Variants in GPR65 observed in about 807,000 individuals in gnomAD.
GPR65 encodes T-cell death-associated gene 8 protein.
Under a neutral mutation model 0.7 loss-of-function variants are expected in GPR65, and 2 were observed. That is an observed-to-expected ratio of 2.83 (90% CI 1.16 to 8.92). GPR65 has a LOEUF of 8.92. Among genes scored for constraint, GPR65 ranks in the 30% most tolerant of loss-of-function variants. The pLI is 0.04. For synonymous variants in GPR65, 128 were observed against 146.5 expected (o/e 0.87, Z 0.91); for missense variants, 379 against 399.4 (o/e 0.95, Z 0.43).
At position 88,010,456 on chromosome 14, in the gene GPR65, A is replaced by T. The variant is rs901776759; in HGVS notation, c.-392A>T. ...CAAAGCCTTGTATATTCATGTTTGC[A>T]CCAATCTACTGTGAGATTTATGAAG... On this transcript the variant is annotated 5_prime_UTR_variant, in exon 2 of 2. Coordinates refer to ENST00000267549, the MANE Select transcript of GPR65 (RefSeq NM_003608.4). 9 of 171,504 alleles carry T rather than the reference A, an allele frequency of 5.2e-5. No homozygotes were observed. The highest frequency in any genetic ancestry group is 2.2e-4 in the African/African-American group (9 of 41,790). 10.6% of individuals were successfully genotyped at this position (171,504 alleles called of 1,614,324 possible). A position where few individuals can be genotyped will look rare whatever the true frequency, so the allele number is the denominator to read the frequency against.
At chr14:88,006,169 T>G (rs1887591249) in intron 1 of GPR65, among the ~76,000 whole-genome samples, 1 of 152,150 alleles carries the variant, frequency 6.6e-6, no homozygotes, top group Admixed American at 6.6e-5. Context: ...TGACTAAAGA[T>G]GATTTCTTTT....
intron 1 of GPR65, among the ~76,000 whole-genome samples, chr14:88,007,914 C>T (rs1274397346): frequency 1.3e-5 from 2 of 151,728 alleles, no homozygotes; most frequent in Non-Finnish European, 2.9e-5. Context: ...GTGTCAACTT[C>T]TTCCAGGAGC....
intron 1 of GPR65, among the ~76,000 whole-genome samples, chr14:88,009,292 C>T (rs1433193382): frequency 2.6e-5 from 4 of 152,048 alleles, no homozygotes; most frequent in Non-Finnish European, 2.9e-5. Context: ...CACAAATTTT[C>T]CCCCCCTTTG....
rs3994051 is a variant in GPR65, at chr14:88,007,792, A to ATGTGTGTG, written c.-459-2574_-459-2567dup. ...GTTGCTTATTATTCTCTCTGTGTGT[A>ATGTGTGTG]TGTGTGTGTGTGTGTGTGTGTGTGT... On this transcript the variant is annotated intron_variant, in intron 1 of 1. Coordinates refer to ENST00000267549, the MANE Select transcript of GPR65 (RefSeq NM_003608.4). Among the ~76,000 whole-genome samples the ATGTGTGTG allele has an allele frequency of 6.2e-3, 851 of 136,236 alleles. 12 individuals carry two copies. Among genetic ancestry groups the ATGTGTGTG allele is most frequent in the East Asian group, 0.036 (177 of 4,862 alleles). 89.4% of individuals were successfully genotyped at this position (136,236 alleles called of 152,430 possible).
chr14:88,005,969 A>G (rs1452434584), intron 1 of GPR65, among the ~76,000 whole-genome samples: 2 of 152,194 alleles, frequency 1.3e-5, no homozygotes, highest in Non-Finnish European at 2.9e-5. Context: ...TGATTAAAGG[A>G]GGCAAAATAA....
intron 1 of GPR65, among the ~76,000 whole-genome samples, chr14:88,005,761 A>G (rs530609073): frequency 7.3e-4 from 111 of 152,264 alleles, no homozygotes; most frequent in African/African-American, 2.5e-3. Context: ...GAAAGCAAGC[A>G]TTTTCTATAA....
Position 88,011,146 on chromosome 14 carries a change from G to T in GPR65, c.299G>T (p.Ser100Ile). The change falls in exon 2 of 2, where the codon AGC (serine) becomes ATC (isoleucine). Residue 100 changes from serine (S) to isoleucine (I), a missense_variant. Transcript: ENST00000267549. Reference sequence around the variant, plus strand: ...TTTCTCATGTACATGAATTTTTACAGCAGCACAGCATTCCTCACCTGCATT... The same window carrying T: ...TTTCTCATGTACATGAATTTTTACATCAGCACAGCATTCCTCACCTGCATT... ...SAFLMYMNFY[S>I]STAFLTCIAV... 6.2e-7 allele frequency: 1 copy of T among 1,613,804 alleles called. No homozygotes were observed. Among genetic ancestry groups the T allele is most frequent in the Non-Finnish European group, 8.5e-7 (1 of 1,179,852 alleles).
chr14:88,006,531 G>A (rs57318077), intron 1 of GPR65, among the ~76,000 whole-genome samples: 1 of 152,258 alleles, frequency 6.6e-6, no homozygotes, highest in South Asian at 2.1e-4. Context: ...AGTCAAGGCA[G>A]GAAATGCTTT....
chr14:88,010,778 C>T lies in GPR65; in HGVS notation c.-70C>T, dbSNP rs1489722082. On this transcript the variant is annotated 5_prime_UTR_variant, in exon 2 of 2. Coordinates refer to ENST00000267549, the MANE Select transcript of GPR65 (RefSeq NM_003608.4). ...AAGCGAATTCGATGTTCAAAACAAACTACAAAGAGACAAGACTTCTCTGTT... is the reference window on the plus strand; with the variant it reads ...AAGCGAATTCGATGTTCAAAACAAATTACAAAGAGACAAGACTTCTCTGTT... 3 of 1,061,134 alleles carry T rather than the reference C, an allele frequency of 2.8e-6. No homozygotes were observed. In the African/African-American group the frequency reaches 4.9e-5, roughly 17 times the overall value. The allele number at this position is 1,061,134 out of a possible 1,614,324, so 65.7% of individuals were successfully genotyped here. A position where few individuals can be genotyped will look rare whatever the true frequency, so the allele number is the denominator to read the frequency against.
rs558202683 is a variant in GPR65, at chr14:88,013,599, G to C, written c.*1738G>C. ...ACAAAATATTGAGCCGGGCGCGGTG[G>C]CTCATGCCTGTAATCCCAGCACTTT... On this transcript the variant is annotated 3_prime_UTR_variant, in exon 2 of 2. Coordinates refer to ENST00000267549, the MANE Select transcript of GPR65 (RefSeq NM_003608.4). 2 of 152,338 alleles carry C rather than the reference G, an allele frequency of 1.3e-5. No homozygotes were observed. The highest frequency in any genetic ancestry group is 4.1e-4 in the South Asian group (2 of 4,832). 9.4% of individuals were successfully genotyped at this position (152,338 alleles called of 1,614,324 possible). A position where few individuals can be genotyped will look rare whatever the true frequency, so the allele number is the denominator to read the frequency against.
chr14:88,012,160 G>A lies in GPR65; in HGVS notation c.*299G>A, dbSNP rs1240170648. On this transcript the variant is annotated 3_prime_UTR_variant, in exon 2 of 2. Coordinates refer to ENST00000267549, the MANE Select transcript of GPR65 (RefSeq NM_003608.4). ...CCTTAGAGTCAGTAAAGTATGTAGG[G>A]GACTGTTTCTTCCTTTGTGTCTGGG... 1.2e-5 allele frequency: 2 copies of A among 162,998 alleles called. No homozygotes were observed. Among genetic ancestry groups the A allele is most frequent in the Non-Finnish European group, 2.9e-5 (2 of 69,086 alleles). 10.1% of individuals were successfully genotyped at this position (162,998 alleles called of 1,614,324 possible).
Position 88,011,408 on chromosome 14 carries a change from G to A in GPR65, c.561G>A (p.Arg187=), listed in dbSNP as rs774080995. 2 of 1,614,022 alleles carry A rather than the reference G, an allele frequency of 1.2e-6. No homozygotes were observed. The highest frequency in any genetic ancestry group is 1.7e-6 in the Non-Finnish European group (2 of 1,179,960). Residue 187 remains arginine (R), a synonymous_variant, in exon 2 of 2, where the codon AGG becomes AGA. Transcript: ENST00000267549. ...GGCAAATCAACCTCAACTTGTTCAG[G>A]ACGTGTACAGGCTATGCAATACCTT... The part of the protein sequence containing the change: ...EKWQINLNLF[R]TCTGYAIPLV...
chr14:88,010,077 T>C (rs1033803387), intron 1 of GPR65, among the ~76,000 whole-genome samples: 2 of 152,244 alleles, frequency 1.3e-5, no homozygotes, highest in African/African-American at 2.4e-5. Flanking sequence ...CAGAATTTTT[T>C]ATCTTTAGCT....
intron 1 of GPR65, among the ~76,000 whole-genome samples, chr14:88,009,523 T>C (rs947514564): frequency 6.6e-6 from 1 of 152,150 alleles, no homozygotes; most frequent in Non-Finnish European, 1.5e-5. Context: ...GTGATTCTGG[T>C]GCCCTGAATA....
At chr14:88,006,875 C>T (rs988736613) in intron 1 of GPR65, among the ~76,000 whole-genome samples, 4 of 152,034 alleles carry the variant, frequency 2.6e-5, no homozygotes, top group Admixed American at 1.3e-4. Context: ...TCAGTTATAT[C>T]CTTTAGAAGT....
At chr14:88,007,093 A>G (rs1033124992) in intron 1 of GPR65, among the ~76,000 whole-genome samples, 1 of 152,134 alleles carries the variant, frequency 6.6e-6, no homozygotes, top group African/African-American at 2.4e-5. Context: ...TCCATCCTTC[A>G]TAGGTAGTCC....
Position 88,011,240 on chromosome 14 carries a change from A to C in GPR65, c.393A>C (p.Ala131=). Residue 131 remains alanine, a synonymous_variant, in exon 2 of 2, where the codon GCA becomes GCC. Transcript: ENST00000267549. Reference sequence around the variant, plus strand: ...TTTTCCTAAGGACAAGAAGATTTGCACTCATGGTCAGCCTGTCCATCTGGA... The same window carrying C: ...TTTTCCTAAGGACAAGAAGATTTGCCCTCATGGTCAGCCTGTCCATCTGGA... The part of the protein sequence containing the change: ...KFFFLRTRRF[A]LMVSLSIWIL... 1.2e-6 allele frequency: 2 copies of C among 1,613,940 alleles called. No individual in the cohort carries two copies. Among genetic ancestry groups the C allele is most frequent in the Non-Finnish European group, 1.7e-6 (2 of 1,179,962 alleles).
At position 88,006,154 on chromosome 14, in the gene GPR65, C is replaced by G. The variant is rs1326156861; in HGVS notation, c.-460+932C>G. On this transcript the variant is annotated intron_variant, in intron 1 of 1. Transcript: ENST00000267549. Reference sequence around the variant, plus strand: ...CTCCAGCTTTTCTGCTATGCTGTGGCTAGATGACTAAAGATGATTTCTTTT... The same window carrying G: ...CTCCAGCTTTTCTGCTATGCTGTGGGTAGATGACTAAAGATGATTTCTTTT... Among the ~76,000 whole-genome samples the G allele has an allele frequency of 2.6e-5, 4 of 152,264 alleles. No individual in the cohort carries two copies. In the South Asian group the frequency reaches 8.3e-4, roughly 32 times the overall value.
rs1341645261 is a variant in GPR65 at position 88,012,920 on chromosome 14, G to C, written c.*1059G>C. ...GGAAATAGGCTCTGAGTTTTATTTTGATCTCTTTTTAATTTATAACTGGGT... is the reference window on the plus strand; with the variant it reads ...GGAAATAGGCTCTGAGTTTTATTTTCATCTCTTTTTAATTTATAACTGGGT... On this transcript the variant is annotated 3_prime_UTR_variant, in exon 2 of 2. Transcript: ENST00000267549. 1 of 152,088 alleles carries C rather than the reference G, an allele frequency of 6.6e-6. No homozygotes were observed. The highest frequency in any genetic ancestry group is 1.5e-5 in the Non-Finnish European group (1 of 68,016). 9.4% of individuals were successfully genotyped at this position (152,088 alleles called of 1,614,324 possible). A position where few individuals can be genotyped will look rare whatever the true frequency, so the allele number is the denominator to read the frequency against.
Sources: allele counts gnomAD v4.1 joint callset (sites outside exome capture counted in the v4.1 genomes callset), GRCh38; gene constraint gnomAD v4.1.1; transcripts MANE v1.5; gene names NCBI Gene and HGNC (gene_info 2026-07-23, HGNC 2026-07-21).